Variants in CFAP45 observed in about 807,000 individuals in gnomAD.
The protein encoded by CFAP45 is cilia- and flagella-associated protein 45.
Under a neutral mutation model 75.6 loss-of-function variants are expected in CFAP45, and 43 were observed. The observed-to-expected ratio is 0.57, with a 90% confidence interval of 0.45 to 0.73. The LOEUF (loss-of-function observed/expected upper bound fraction) is 0.73. Among genes scored for constraint, CFAP45 ranks in the 30% least tolerant of loss-of-function variants. CFAP45 has a pLI of 0.00. For synonymous variants in CFAP45, 223 were observed against 244.6 expected, an observed-to-expected ratio of 0.91 and a Z score of 0.82; for missense variants, 689 against 701.5, an observed-to-expected ratio of 0.98 and a Z score of 0.20.
At chr1:159,882,462 CA>C (rs765990087) in intron 7 of CFAP45, among the ~76,000 whole-genome samples, 5 of 152,036 alleles carry the variant, frequency 3.3e-5, no homozygotes, top group Admixed American at 1.3e-4. Flanking sequence ...TCCAAGACAC[CA>C]AAGGACTTTC....
chr1:159,878,678 G>A (rs769911185), intron 8 of CFAP45, among the ~76,000 whole-genome samples: 14 of 147,276 alleles, frequency 9.5e-5, no homozygotes, highest in Non-Finnish European at 1.6e-4. Flanking sequence ...TCTTGAACCC[G>A]GAAGGCAGAG....
intron 1 of CFAP45, among the ~76,000 whole-genome samples, chr1:159,898,480 C>T (rs1650000950): frequency 6.6e-6 from 1 of 152,200 alleles, no homozygotes; most frequent in African/African-American, 2.4e-5. Context: ...GCTGGCCTGC[C>T]AGAGATCACT....
chr1:159,895,158 G>A (rs1318929978), intron 1 of CFAP45, among the ~76,000 whole-genome samples: 1 of 152,158 alleles, frequency 6.6e-6, no homozygotes, highest in Non-Finnish European at 1.5e-5. Flanking sequence ...CTTCATCTCA[G>A]TCCCAAGAGT....
chr1:159,889,982 G>A (rs1487791230), intron 3 of CFAP45, among the ~76,000 whole-genome samples: 1 of 152,200 alleles, frequency 6.6e-6, no homozygotes. Flanking sequence ...CAGGAAGTGG[G>A]GTTGAGCTAA....
In CFAP45 at chr1:159,886,494, C is replaced by T. The variant is rs1299806021; in HGVS notation, c.767+17G>A. 3.7e-6 allele frequency: 6 copies of T among 1,612,540 alleles called. No homozygotes were observed. Among genetic ancestry groups the T allele is most frequent in the Non-Finnish European group, 5.1e-6 (6 of 1,178,628 alleles). On this transcript the variant is annotated intron_variant, in intron 6 of 11. Coordinates refer to ENST00000368099, the MANE Select transcript of CFAP45 (RefSeq NM_012337.3). ...GGAAATAGCTTAGAGAGGGAGATGC[C>T]AAAACCACATCTTTACCTAATTCTT... is the stretch of plus-strand genomic sequence containing the variant.
chr1:159,896,288 G>T (rs1387543202), intron 1 of CFAP45, among the ~76,000 whole-genome samples: 1 of 152,158 alleles, frequency 6.6e-6, no homozygotes, highest in Non-Finnish European at 1.5e-5. Flanking sequence ...GACTGCCTGA[G>T]CCAGAACAGA....
In CFAP45 at chr1:159,872,767, C is replaced by G. The variant is rs78696267; in HGVS notation, c.1577+177G>C. On this transcript the variant is annotated intron_variant, in intron 11 of 11. Coordinates refer to ENST00000368099, the MANE Select transcript of CFAP45 (RefSeq NM_012337.3). ...CCCAGAGAGCCAGCAAGACCCCATCCCAGGACTTTCTGCTGGAGCCCCCTT... is the reference window on the plus strand; with the variant it reads ...CCCAGAGAGCCAGCAAGACCCCATCGCAGGACTTTCTGCTGGAGCCCCCTT... Among the ~76,000 whole-genome samples, 59 of 152,318 alleles carry G rather than the reference C, an allele frequency of 3.9e-4. 2 individuals are homozygous for G. The East Asian group carries it at 0.01, about 26-fold the overall frequency.
Position 159,900,134 on chromosome 1 carries a change from T to C in CFAP45, c.-36A>G, listed in dbSNP as rs764895897. The C allele has an allele frequency of 6.2e-7, 1 of 1,614,082 alleles. No individual in the cohort carries two copies. Among genetic ancestry groups the C allele is most frequent in the Non-Finnish European group, 8.5e-7 (1 of 1,179,962 alleles). On this transcript the variant is annotated 5_prime_UTR_variant, in exon 1 of 12. Coordinates refer to ENST00000368099, the MANE Select transcript of CFAP45 (RefSeq NM_012337.3). ...ACACGCCCTGACTCCGGACTTCTGC[T>C]GCCGCCTCGGCGCCGCCAAGGCCCT...
chr1:159,884,701 G>T, intron 6 of CFAP45, 136 bp from the exon 7 acceptor site: 3 of 880,626 alleles, frequency 3.4e-6, no homozygotes, highest in East Asian at 5.1e-5. Context: ...ACATGAATAT[G>T]CTTCATGAGC....
At chr1:159,899,928 T>C (rs1239867780) in intron 1 of CFAP45, 168 bp downstream of exon 1, 2 of 656,836 alleles carry the variant, frequency 3.0e-6, no homozygotes, top group South Asian at 2.0e-5. Context: ...AATTCCTCTT[T>C]TGAACCCACC....
At position 159,876,740 on chromosome 1, in the gene CFAP45, G is replaced by T. The variant is rs759693544; in HGVS notation, c.1168C>A (p.Arg390=). 17 of 1,614,134 alleles carry T rather than the reference G, an allele frequency of 1.1e-5. No homozygotes were observed. Among genetic ancestry groups the T allele is most frequent in the South Asian group, 2.2e-5 (2 of 91,080 alleles). The change falls in exon 10 of 12, where the codon CGG becomes AGG. Residue 390 remains arginine (R), a synonymous_variant. Transcript: ENST00000368099. ...QDYQAEQDAL[R]AKRNQEVADR... ...GCAACCTCCTGGTTGCGCTTGGCCC[G>T]CAAGGCATCCTGGGAATGTTGGCAG...
At chr1:159,887,646 A>G (rs548079368) in intron 5 of CFAP45, among the ~76,000 whole-genome samples, 195 bp downstream of exon 5, 90 of 152,360 alleles carry the variant, frequency 5.9e-4, no homozygotes, top group Non-Finnish European at 3.2e-4. Flanking sequence ...TGACTTGCCC[A>G]TGGTCACACA....
rs1649745608 is a variant in CFAP45, at chr1:159,888,430, T to C, written c.339A>G (p.Lys113=). ...IISPEEFERI[K]WASHVLTREE... is the part of the protein sequence containing the mutation. The stretch of plus-strand genomic sequence containing the variant: ...CTCTGGTCAGGACATGGGATGCCCA[T>C]TTGATTCGCTCAAACTCCTCAGGGC... The change falls in exon 4 of 12, where the codon AAA becomes AAG. Residue 113 remains lysine (K), a synonymous_variant. Coordinates refer to ENST00000368099, the MANE Select transcript of CFAP45 (RefSeq NM_012337.3). 4 of 1,606,756 alleles carry C rather than the reference T, an allele frequency of 2.5e-6. No homozygotes were observed. The highest frequency in any genetic ancestry group is 8.5e-7 in the Non-Finnish European group (1 of 1,174,532).
intron 10 of CFAP45, chr1:159,876,196 C>T (rs1649397761): frequency 6.6e-6 from 2 of 301,568 alleles, no homozygotes; most frequent in Non-Finnish European, 1.3e-5. Flanking sequence ...CTCTATCTTT[C>T]CTAAACCACT....
rs149495714 is a variant in CFAP45 at position 159,895,871 on chromosome 1, A to C, written c.4-2566T>G. 6.7e-3 allele frequency among the ~76,000 whole-genome samples: 1,026 copies of C among 152,334 alleles called. 17 individuals are homozygous for C. Among genetic ancestry groups the C allele is most frequent in the African/African-American group, 0.024 (982 of 41,582 alleles). ...TGAGTTTTGTATGTAATTAAGGGAAAAGGTGCAGTGCCTGGCACATGTAGT... is the reference window on the plus strand; with the variant it reads ...TGAGTTTTGTATGTAATTAAGGGAACAGGTGCAGTGCCTGGCACATGTAGT... On this transcript the variant is annotated intron_variant, in intron 1 of 11. Coordinates refer to ENST00000368099, the MANE Select transcript of CFAP45 (RefSeq NM_012337.3).
chr1:159,894,323 G>A (rs1204062889), intron 1 of CFAP45, among the ~76,000 whole-genome samples: 1 of 152,182 alleles, frequency 6.6e-6, no homozygotes, highest in Non-Finnish European at 1.5e-5. Flanking sequence ...ACTTGGGCTT[G>A]CCCCCTGAGA....
Position 159,876,706 on chromosome 1 carries a change from T to C in CFAP45, c.1202A>G (p.Glu401Gly), listed in dbSNP as rs745433119. The C allele has an allele frequency of 2.5e-6, 4 of 1,614,176 alleles. No homozygotes were observed. The East Asian group carries it at 6.7e-5, about 27-fold the overall frequency. The change falls in exon 10 of 12, where the codon GAG (glutamate) becomes GGG (glycine). Residue 401 changes from glutamate (E) to glycine (G), a missense_variant. Transcript: ENST00000368099. Reference protein sequence around the residue: ...AKRNQEVADREWRRKEKENAR... With the variant: ...AKRNQEVADRGWRRKEKENAR... Reference sequence around the variant, plus strand: ...ATTTTCCTTTTCCTTTCTGCGCCACTCTCTGTCTGCAACCTCCTGGTTGCG... The same window carrying C: ...ATTTTCCTTTTCCTTTCTGCGCCACCCTCTGTCTGCAACCTCCTGGTTGCG...
At chr1:159,886,197 G>C (rs1649673648) in intron 6 of CFAP45, among the ~76,000 whole-genome samples, 1 of 152,042 alleles carries the variant, frequency 6.6e-6, no homozygotes, top group Non-Finnish European at 1.5e-5. Context: ...AAAATTAGCC[G>C]GGTGTGGATG....
intron 8 of CFAP45, 75 bp from the exon 9 acceptor site, chr1:159,877,537 A>C: frequency 1.0e-6 from 1 of 990,152 alleles, no homozygotes; most frequent in Non-Finnish European, 1.6e-6. Flanking sequence ...CCCCTACAAC[A>C]GACTTTCCAA....
Sources: gnomAD v4.1 joint callset for allele counts (sites outside exome capture counted in the v4.1 genomes callset) on GRCh38, gnomAD v4.1.1 for gene constraint, MANE v1.5 for transcripts, NCBI Gene and HGNC (gene_info 2026-07-23, HGNC 2026-07-21) for gene names.